Variants in SMARCB1 observed in about 807,000 individuals in gnomAD.
SMARCB1 encodes SWI/SNF related BAF chromatin remodeling complex subunit B1.
Under a neutral mutation model 49.0 loss-of-function variants are expected in SMARCB1, and 5 were observed. The observed-to-expected ratio is 0.10, with a 90% CI of 0.05 to 0.21. SMARCB1 has a LOEUF of 0.21. Among genes scored for constraint, SMARCB1 ranks in the 10% least tolerant of loss-of-function variants. The pLI is 1.00. For synonymous variants in SMARCB1, 201 were observed against 200.1 expected (o/e 1.00, Z -0.04); for missense variants, 226 against 509.2 (o/e 0.44, Z 5.35).
intron 3 of SMARCB1, among the ~76,000 whole-genome samples, chr22:23,795,344 C>T (rs1162217828): frequency 6.6e-6 from 1 of 152,040 alleles, no homozygotes; most frequent in Non-Finnish European, 1.5e-5. Context: ...CAGAACGACA[C>T]TCTTTGTCTC....
At chr22:23,799,861 T>C (rs1396167590) in intron 3 of SMARCB1, among the ~76,000 whole-genome samples, 6 of 151,916 alleles carry the variant, frequency 3.9e-5, no homozygotes, top group Non-Finnish European at 7.4e-5. Flanking sequence ...ATTTTTTGTA[T>C]TTTTAGTAGA....
At chr22:23,821,749 G>C (rs1156234457) in intron 6 of SMARCB1, among the ~76,000 whole-genome samples, 1 of 151,914 alleles carries the variant, frequency 6.6e-6, no homozygotes, top group African/African-American at 2.4e-5. Flanking sequence ...TACTCTGGAG[G>C]CTGAGGCATG....
rs978207723 is a variant in SMARCB1, at chr22:23,834,357, C to T, written c.*177C>T. The T allele has an allele frequency of 2.7e-6, 2 of 729,378 alleles. No individual in the cohort carries two copies. The highest frequency in any genetic ancestry group is 4.9e-6 in the Non-Finnish European group (2 of 411,894). The allele number at this position is 729,378 out of a possible 1,614,324, so 45.2% of individuals were successfully genotyped here. On this transcript the variant is annotated 3_prime_UTR_variant, in exon 9 of 9. Transcript: ENST00000644036. Reference sequence around the variant, plus strand: ...CGGCACACATTCCATTTGTTGAGCCCCAGTCCTGCCCCCCACCCCACCCTC... The same window carrying T: ...CGGCACACATTCCATTTGTTGAGCCTCAGTCCTGCCCCCCACCCCACCCTC...
chr22:23,807,443 C>CA (rs1929563554), intron 5 of SMARCB1, among the ~76,000 whole-genome samples: 1 of 152,030 alleles, frequency 6.6e-6, no homozygotes, highest in Non-Finnish European at 1.5e-5. Flanking sequence ...GATGTGGTAG[C>CA]ACGTGCCTGT....
chr22:23,790,073 C>T (rs1055801580), intron 1 of SMARCB1, among the ~76,000 whole-genome samples: 1 of 152,136 alleles, frequency 6.6e-6, no homozygotes, highest in Non-Finnish European at 1.5e-5. Context: ...AAACCTGGGT[C>T]CCAAGAGGGT....
intron 6 of SMARCB1, among the ~76,000 whole-genome samples, chr22:23,819,286 G>T (rs550962100): frequency 8.5e-4 from 129 of 152,196 alleles, no homozygotes; most frequent in African/African-American, 3.1e-3. Context: ...ATGAACCTGG[G>T]TGTGCAGGTA....
chr22:23,792,101 A>G, intron 2 of SMARCB1: 1 of 618,660 alleles, frequency 1.6e-6, no homozygotes, highest in South Asian at 1.7e-5. Flanking sequence ...TATTTCCAGC[A>G]GGGCCATTGG....
chr22:23,835,115 C>A lies in SMARCB1; in HGVS notation c.*935C>A. On this transcript the variant is annotated 3_prime_UTR_variant, in exon 9 of 9. Transcript: ENST00000644036. The stretch of plus-strand genomic sequence containing the variant: ...CCAGCTGTGAGGAATATGGGAATAG[C>A]CCTCCCGGCCTGGTGCCAGCTCTTG... The A allele has an allele frequency of 7.3e-7, 1 of 1,374,784 alleles. No homozygotes were observed. 85.2% of individuals were successfully genotyped at this position (1,374,784 alleles called of 1,614,324 possible).
At chr22:23,797,865 C>G (rs909285452) in intron 3 of SMARCB1, among the ~76,000 whole-genome samples, 1 of 151,932 alleles carries the variant, frequency 6.6e-6, no homozygotes, top group East Asian at 1.9e-4. Flanking sequence ...GTGATCCGTC[C>G]GCCTCGGCCT....
intron 5 of SMARCB1, among the ~76,000 whole-genome samples, chr22:23,812,576 G>A (rs1929944231): frequency 6.6e-6 from 1 of 152,084 alleles, no homozygotes; most frequent in Admixed American, 6.6e-5. Context: ...AAAATCCTTA[G>A]CAAAATATTG....
At chr22:23,792,338 C>T in intron 2 of SMARCB1, 1 of 338,938 alleles carries the variant, frequency 3.0e-6, no homozygotes, top group Non-Finnish European at 5.8e-6. Context: ...TTCATCCTGG[C>T]AGCCAGTGTG....
chr22:23,799,944 A>T (rs1401399878), intron 3 of SMARCB1, among the ~76,000 whole-genome samples: 2 of 149,868 alleles, frequency 1.3e-5, no homozygotes, highest in Non-Finnish European at 3.0e-5. Flanking sequence ...TCGGCCTCCC[A>T]AAGTGCTGGG....
chr22:23,789,867 G>A (rs532280505), intron 1 of SMARCB1, among the ~76,000 whole-genome samples: 1 of 152,324 alleles, frequency 6.6e-6, no homozygotes, highest in South Asian at 2.1e-4. Flanking sequence ...ATTCAGAGAG[G>A]TGGGCCAGCC....
chr22:23,821,262 G>A (rs2030072026), intron 6 of SMARCB1, among the ~76,000 whole-genome samples: 1 of 152,248 alleles, frequency 6.6e-6, no homozygotes, highest in South Asian at 2.1e-4. Flanking sequence ...GCCCAGGGAA[G>A]CCTGTGTTAT....
intron 3 of SMARCB1, among the ~76,000 whole-genome samples, chr22:23,800,426 C>T (rs889593036): frequency 1.3e-5 from 2 of 152,174 alleles, no homozygotes; most frequent in Non-Finnish European, 2.9e-5. Context: ...GATCATGTCT[C>T]TTCCTTCAAA....
Position 23,834,733 on chromosome 22 carries a change from G to A in SMARCB1, c.*553G>A. ...CTCCCCTCAGCCTGTTCTCCTTCCA[G>A]ACCCAGAGAGCTGAGAAGAGTAGCT... is the stretch of plus-strand genomic sequence containing the variant. On this transcript the variant is annotated 3_prime_UTR_variant, in exon 9 of 9. Transcript: ENST00000644036. 1 of 1,470,624 alleles carries A rather than the reference G, an allele frequency of 6.8e-7. No homozygotes were observed. Among genetic ancestry groups the A allele is most frequent in the South Asian group, 1.3e-5 (1 of 74,130 alleles). 91.1% of individuals were successfully genotyped at this position (1,470,624 alleles called of 1,614,324 possible). A position where few individuals can be genotyped will look rare whatever the true frequency, so the allele number is the denominator to read the frequency against.
chr22:23,795,690 AAAAAAT>A (rs1483837000), intron 3 of SMARCB1, among the ~76,000 whole-genome samples: 5 of 151,490 alleles, frequency 3.3e-5, no homozygotes, highest in East Asian at 1.9e-4. Flanking sequence ...ATAAATAAAT[AAAAAAT>A]AAAAATAAAA....
rs780721767 is a variant in SMARCB1, at chr22:23,836,978, C to T, written c.*2798C>T. On this transcript the variant is annotated 3_prime_UTR_variant, in exon 9 of 9. Transcript: ENST00000644036. The stretch of plus-strand genomic sequence containing the variant: ...GAGCAGCTTTCTGTGGGGAGGGGCC[C>T]GTGTTGAGCACAGGCCAGCACAGGT... The T allele has an allele frequency of 1.4e-5, 23 of 1,589,130 alleles. No homozygotes were observed. The highest frequency in any genetic ancestry group is 1.7e-4 in the Middle Eastern group (1 of 5,954).
At position 23,837,296 on chromosome 22, in the gene SMARCB1, C is replaced by T. The variant is rs1471886159; in HGVS notation, c.*3116C>T. 2 of 1,125,182 alleles carry T rather than the reference C, an allele frequency of 1.8e-6. No homozygotes were observed. Among genetic ancestry groups the T allele is most frequent in the East Asian group, 5.2e-5 (2 of 38,520 alleles). The allele number at this position is 1,125,182 out of a possible 1,614,324, so 69.7% of individuals were successfully genotyped here. ...GTGCCCCAAAGCCTTGCACAGAGTG[C>T]CAGCCCCGGGTTGGCCGTGAAGGAC... On this transcript the variant is annotated 3_prime_UTR_variant, in exon 9 of 9. Transcript: ENST00000644036.
Sources: allele counts gnomAD v4.1 joint callset (sites outside exome capture counted in the v4.1 genomes callset), GRCh38; gene constraint gnomAD v4.1.1; transcripts MANE v1.5; gene names NCBI Gene and HGNC (gene_info 2026-07-23, HGNC 2026-07-21).